Variants in SKIC2 observed in about 807,000 individuals in gnomAD.
SKIC2 encodes the protein superkiller complex protein 2.
the SKIC2 span, chr6:31,963,513 G>C: frequency 6.2e-7 from 1 of 1,606,716 alleles, no homozygotes; most frequent in South Asian, 1.1e-5. This position sits in a 1 kb window ranked among gnomAD's most constrained non-coding sequence, Gnocchi z 5.3. Context: ...GACCCAGGGG[G>C]AGCTCTTTTT....
chr6:31,963,992 G>T, the SKIC2 span: 5 of 1,612,196 alleles, frequency 3.1e-6, no homozygotes, highest in Non-Finnish European at 4.2e-6. The surrounding 1 kb of genome is among the most constrained non-coding windows in gnomAD (Gnocchi z 5.3). Flanking sequence ...ACCTTCTCCC[G>T]GGGCCGCTGT....
the SKIC2 span, chr6:31,964,388 A>G: frequency 2.7e-6 from 4 of 1,461,964 alleles, no homozygotes; most frequent in Non-Finnish European, 3.8e-6. The surrounding 1 kb of genome is among the most constrained non-coding windows in gnomAD (Gnocchi z 5.0). Context: ...CTTGTTGCCC[A>G]CTTAGGGGCT....
At chr6:31,966,610 C>G in the SKIC2 span, 1 of 1,291,258 alleles carries the variant, frequency 7.7e-7, no homozygotes, top group Non-Finnish European at 1.1e-6. This position sits in a 1 kb window ranked among gnomAD's most constrained non-coding sequence, Gnocchi z 5.9. Context: ...GGTTGCAGAG[C>G]TAGGACCGGA....
At chr6:31,959,986 C>G in the SKIC2 span, 6 of 1,506,966 alleles carry the variant, frequency 4.0e-6, no homozygotes, top group Non-Finnish European at 5.5e-6. Flanking sequence ...TTACCTAATG[C>G]CTCTCATCTT....
At chr6:31,960,214 C>T in the SKIC2 span, 1 of 1,612,114 alleles carries the variant, frequency 6.2e-7, no homozygotes, top group Admixed American at 1.7e-5. Context: ...CTATTTTTCT[C>T]TCCAGAAAAT....
the SKIC2 span, chr6:31,959,418 C>T: frequency 6.4e-7 from 1 of 1,571,110 alleles, no homozygotes; most frequent in Non-Finnish European, 8.8e-7. Context: ...ACTTTTGACC[C>T]TAACCTTTGA....
At chr6:31,963,065 C>T in the SKIC2 span, 23 of 1,612,538 alleles carry the variant, frequency 1.4e-5, no homozygotes, top group South Asian at 4.4e-5. This position sits in a 1 kb window ranked among gnomAD's most constrained non-coding sequence, Gnocchi z 5.3. Flanking sequence ...CCGTCCCCAA[C>T]GCCCTTGAGT....
the SKIC2 span, chr6:31,968,909 T>C: frequency 1.2e-6 from 2 of 1,612,980 alleles, no homozygotes; most frequent in Non-Finnish European, 1.7e-6. The surrounding 1 kb of genome is among the most constrained non-coding windows in gnomAD (Gnocchi z 6.1). Flanking sequence ...AGGCGGGCAC[T>C]GTGAAGCTGG....
the SKIC2 span, chr6:31,960,049 C>G: frequency 1.2e-6 from 2 of 1,613,080 alleles, no homozygotes; most frequent in African/African-American, 2.7e-5. Flanking sequence ...AGATCTGCAG[C>G]AAGAAGCAGA....
chr6:31,963,648 C>A, the SKIC2 span: 3 of 1,550,080 alleles, frequency 1.9e-6, no homozygotes, highest in Non-Finnish European at 2.6e-6. The surrounding 1 kb of genome is among the most constrained non-coding windows in gnomAD (Gnocchi z 5.3). Context: ...TACTATGCAG[C>A]TGTGGAGGCC....
At chr6:31,966,009 T>C in the SKIC2 span, 2 of 1,586,776 alleles carry the variant, frequency 1.3e-6, no homozygotes, top group East Asian at 2.3e-5. This position sits in a 1 kb window ranked among gnomAD's most constrained non-coding sequence, Gnocchi z 5.9. Flanking sequence ...CACCGCATGA[T>C]GATGGTGAGC....
At chr6:31,960,766 C>T in the SKIC2 span, 3 of 1,507,944 alleles carry the variant, frequency 2.0e-6, no homozygotes, top group Admixed American at 4.4e-5. Context: ...GAGTCTGAGC[C>T]TTGAGGAGGA....
chr6:31,963,601 A>G, the SKIC2 span: 1 of 1,531,620 alleles, frequency 6.5e-7, no homozygotes, highest in Non-Finnish European at 8.8e-7. The surrounding 1 kb of genome is among the most constrained non-coding windows in gnomAD (Gnocchi z 5.3). Context: ...CTGGGCCCCC[A>G]GCTGGACATT....
chr6:31,962,612 G>C, the SKIC2 span: 1 of 1,610,300 alleles, frequency 6.2e-7, no homozygotes, highest in East Asian at 2.2e-5. The surrounding 1 kb of genome is among the most constrained non-coding windows in gnomAD (Gnocchi z 5.0). Context: ...CAATACAGGG[G>C]AGTTTTGGCT....
the SKIC2 span, chr6:31,969,562 G>A: frequency 6.2e-7 from 1 of 1,613,902 alleles, no homozygotes; most frequent in Admixed American, 1.7e-5. The surrounding 1 kb of genome is among the most constrained non-coding windows in gnomAD (Gnocchi z 6.1). Context: ...AGGGCCTGGT[G>A]GTCCGCTGCA....
chr6:31,963,164 C>T, the SKIC2 span: 2 of 1,113,958 alleles, frequency 1.8e-6, no homozygotes, highest in East Asian at 2.4e-5. The surrounding 1 kb of genome is among the most constrained non-coding windows in gnomAD (Gnocchi z 5.3). Flanking sequence ...GGGACTAAGT[C>T]TACCACAGCA....
the SKIC2 span, among the ~76,000 whole-genome samples, chr6:31,964,569 G>A: frequency 6.6e-5 from 10 of 152,154 alleles, no homozygotes; most frequent in African/African-American, 9.7e-5. This position sits in a 1 kb window ranked among gnomAD's most constrained non-coding sequence, Gnocchi z 5.0. Flanking sequence ...TCTTAAAATG[G>A]GGATGCATAA....
At chr6:31,962,404 C>T in the SKIC2 span, 24 of 1,612,378 alleles carry the variant, frequency 1.5e-5, 1 homozygote, top group South Asian at 1.3e-4. This position sits in a 1 kb window ranked among gnomAD's most constrained non-coding sequence, Gnocchi z 5.0. Flanking sequence ...CATGAGTCTG[C>T]GGAGGGACTG....
the SKIC2 span, chr6:31,960,751 G>A: frequency 6.5e-7 from 1 of 1,542,544 alleles, no homozygotes; most frequent in Non-Finnish European, 8.7e-7. Flanking sequence ...GTAAGGTGGG[G>A]CTCTGAGTCT....
Sources: allele counts gnomAD v4.1 joint callset (sites outside exome capture counted in the v4.1 genomes callset), GRCh38; gene constraint gnomAD v4.1.1; non-coding constraint Gnocchi (gnomAD v3.1); transcripts MANE v1.5; gene names NCBI Gene and HGNC (gene_info 2026-07-23, HGNC 2026-07-21).